The following SIK2 variants were observed in gnomAD, a reference collection of about 807,000 sequenced individuals.
SIK2 encodes serine/threonine-protein kinase SIK2.
SIK2 carries 29 observed loss-of-function variants against 103.2 expected under a neutral mutation model. The ratio of observed to expected loss-of-function variants is 0.28; its 90% CI spans 0.21 to 0.38. The LOEUF is 0.38. SIK2 is among the 10% of genes least tolerant of loss of function. The probability of loss-of-function intolerance (pLI) is 1.00; values close to 1 mark genes in which losing one functional copy is unlikely to be tolerated. For synonymous variants in SIK2, 412 were observed against 446.1 expected, an observed-to-expected ratio of 0.92 and a Z score of 0.96; for missense variants, 879 against 1,171.0, an observed-to-expected ratio of 0.75 and a Z score of 3.64.
intron 3 of SIK2, among the ~76,000 whole-genome samples, chr11:111,685,088 C>G (rs1942827688): frequency 6.6e-6 from 1 of 152,232 alleles, no homozygotes; most frequent in South Asian, 2.1e-4. Context: ...TACTTCAAAA[C>G]ACTATGTGTT....
chr11:111,625,839 C>A (rs185935470), intron 3 of SIK2, among the ~76,000 whole-genome samples: 2 of 152,210 alleles, frequency 1.3e-5, no homozygotes, highest in Admixed American at 1.3e-4. Flanking sequence ...GGCAATGAGT[C>A]AAGAGAAGGA....
chr11:111,683,626 A>G (rs1363171045), intron 3 of SIK2, among the ~76,000 whole-genome samples: 2 of 151,696 alleles, frequency 1.3e-5, no homozygotes, highest in East Asian at 1.9e-4. Context: ...TAATTTTTGT[A>G]TAGTTAGTTG....
intron 1 of SIK2, among the ~76,000 whole-genome samples, chr11:111,609,723 A>G (rs759418583): frequency 9.9e-5 from 15 of 152,234 alleles, no homozygotes; most frequent in Non-Finnish European, 2.2e-4. Flanking sequence ...GAGGGTAACT[A>G]GAGAATTCTC....
rs767574506 is a variant in SIK2 at position 111,703,354 on chromosome 11, C to T, written c.879C>T (p.Ile293=). Residue 293 remains isoleucine, a synonymous_variant, in exon 7 of 15, where the codon ATC becomes ATT. Coordinates refer to ENST00000304987, the MANE Select transcript of SIK2 (RefSeq NM_015191.3). ...YPQEQENEPS[I]GEFNEQVLRL... ...AAGAGCAAGAAAATGAGCCATCCAT[C>T]GGGGAGTTTAATGAGCAGGTTCTGC... is the stretch of plus-strand genomic sequence containing the variant. 36 of 1,613,974 alleles carry T rather than the reference C, an allele frequency of 2.2e-5. No individual in the cohort carries two copies. The South Asian group carries it at 2.6e-4, about 12-fold the overall frequency.
intron 3 of SIK2, among the ~76,000 whole-genome samples, chr11:111,642,282 T>A (rs1942193386): frequency 6.6e-6 from 1 of 152,132 alleles, no homozygotes; most frequent in South Asian, 2.1e-4. Flanking sequence ...TGCCCTCACA[T>A]CAGAGGCCAG....
intron 4 of SIK2, among the ~76,000 whole-genome samples, chr11:111,698,795 G>A (rs1370663717): frequency 6.6e-6 from 1 of 152,218 alleles, no homozygotes; most frequent in Non-Finnish European, 1.5e-5. Flanking sequence ...AACTCATCCT[G>A]TGATTATGGT....
Position 111,720,517 on chromosome 11 carries a change from G to A in SIK2, c.1535G>A (p.Ser512Asn). The A allele has an allele frequency of 6.2e-7, 1 of 1,612,732 alleles. No individual in the cohort carries two copies. The change falls in exon 11 of 15, where the codon AGT (serine) becomes AAT (asparagine). Residue 512 changes from serine to asparagine, a missense_variant. Transcript: ENST00000304987. Reference sequence around the variant, plus strand: ...ATGAATGACAGCCCCTCCCTTGACAGTGTGGACTCTGAGTATGATATGGGG... The same window carrying A: ...ATGAATGACAGCCCCTCCCTTGACAATGTGGACTCTGAGTATGATATGGGG... ...FSMNDSPSLD[S>N]VDSEYDMGSV...
intron 9 of SIK2, 39 bp from the exon 10 acceptor site, chr11:111,719,736 A>G (rs2135968570): frequency 1.9e-6 from 3 of 1,577,772 alleles, no homozygotes; most frequent in East Asian, 4.5e-5. Context: ...CTGTCTCAGC[A>G]GTGCAGAAAC....
chr11:111,701,333 A>G lies in SIK2; in HGVS notation c.604-119A>G. Reference sequence around the variant, plus strand: ...ATTTTTTTCAAATTCTGAGAAAATAATAAATCCAGACAGGAATTTTTCAGT... The same window carrying G: ...ATTTTTTTCAAATTCTGAGAAAATAGTAAATCCAGACAGGAATTTTTCAGT... On this transcript the variant is annotated intron_variant, in intron 5 of 14. Coordinates refer to ENST00000304987, the MANE Select transcript of SIK2 (RefSeq NM_015191.3). The surrounding 1 kb of genome is among the most constrained non-coding windows in gnomAD (Gnocchi z 4.2). 3.0e-6 allele frequency: 4 copies of G among 1,334,784 alleles called. No homozygotes were observed. The highest frequency in any genetic ancestry group is 4.0e-6 in the Non-Finnish European group (4 of 993,976). 82.7% of individuals were successfully genotyped at this position (1,334,784 alleles called of 1,614,324 possible).
chr11:111,622,247 C>CTTTTTTTTTTTTTTTTTTT (rs71057079), intron 3 of SIK2, among the ~76,000 whole-genome samples: 1 of 61,454 alleles, frequency 1.6e-5, no homozygotes, highest in Admixed American at 2.6e-4. Context: ...ATTTTCTTTT[C>CTTTTTTTTTTTTTTTTTTT]TTTTTTTTTT....
chr11:111,700,902 T>A lies in SIK2; in HGVS notation c.495T>A (p.Asn165Lys). ...TCCTAATAGATTTCGGTTTTGGAAA[T>A]TTCTTTAAAAGTGGTGAACTGCTGG... The part of the protein sequence containing the change: ...NIKIADFGFG[N>K]FFKSGELLAT... The change falls in exon 5 of 15, where the codon AAT becomes AAA. Residue 165 changes from asparagine (N) to lysine (K), a missense_variant. Coordinates refer to ENST00000304987, the MANE Select transcript of SIK2 (RefSeq NM_015191.3). The A allele has an allele frequency of 6.2e-7, 1 of 1,613,980 alleles. No homozygotes were observed.
chr11:111,669,454 G>A (rs1942593367), intron 3 of SIK2, among the ~76,000 whole-genome samples: 1 of 151,884 alleles, frequency 6.6e-6, no homozygotes, highest in Non-Finnish European at 1.5e-5. Context: ...CCCAAAATCA[G>A]GCATGGTGGT....
chr11:111,637,934 A>C (rs1185484285), intron 3 of SIK2, among the ~76,000 whole-genome samples: 1 of 151,440 alleles, frequency 6.6e-6, no homozygotes, highest in Non-Finnish European at 1.5e-5. Context: ...TACGTGTTAG[A>C]GTTTATTTAG....
chr11:111,720,506 C>T lies in SIK2; in HGVS notation c.1524C>T (p.Pro508=), dbSNP rs765910823. ...AAATTTTCTCCATGAATGACAGCCC[C>T]TCCCTTGACAGTGTGGACTCTGAGT... is the stretch of plus-strand genomic sequence containing the variant. ...AGKIFSMNDS[P]SLDSVDSEYD... is the part of the protein sequence containing the mutation. Residue 508 remains proline (P), a synonymous_variant, in exon 11 of 15, where the codon CCC becomes CCT. Coordinates refer to ENST00000304987, the MANE Select transcript of SIK2 (RefSeq NM_015191.3). 6.2e-7 allele frequency: 1 copy of T among 1,608,458 alleles called. No homozygotes were observed. The highest frequency in any genetic ancestry group is 1.1e-5 in the South Asian group (1 of 89,808).
intron 3 of SIK2, among the ~76,000 whole-genome samples, chr11:111,687,271 C>T (rs1044575824): frequency 1.3e-5 from 2 of 151,944 alleles, no homozygotes; most frequent in Non-Finnish European, 2.9e-5. Context: ...AATCCCAGTA[C>T]TTTGGGAGGC....
At position 111,722,503 on chromosome 11, in the gene SIK2, C is replaced by T. The variant is rs1327546049; in HGVS notation, c.2056-162C>T. 1.3e-5 allele frequency among the ~76,000 whole-genome samples: 2 copies of T among 152,214 alleles called. No homozygotes were observed. The highest frequency in any genetic ancestry group is 4.8e-5 in the African/African-American group (2 of 41,448). ...CAGAGATGGCCCAGGCCTGCGGGCC[C>T]GATGCTCTTTCAGGGTCTCAGGGAG... On this transcript the variant is annotated intron_variant, in intron 13 of 14. Transcript: ENST00000304987. The surrounding 1 kb of genome is among the most constrained non-coding windows in gnomAD (Gnocchi z 4.4).
chr11:111,688,297 T>A lies in SIK2; in HGVS notation c.478+135T>A, dbSNP rs1942873822. On this transcript the variant is annotated intron_variant, in intron 4 of 14. Transcript: ENST00000304987. This position sits in a 1 kb window ranked among gnomAD's most constrained non-coding sequence, Gnocchi z 4.2. ...CAGGCTATCTCAAAGTCCATTTTAT[T>A]CATTTCCTTAGTTCTGTGTGTAATT... The A allele has an allele frequency of 1.2e-6, 1 of 833,652 alleles. No individual in the cohort carries two copies. The highest frequency in any genetic ancestry group is 1.7e-5 in the African/African-American group (1 of 58,634). The allele number at this position is 833,652 out of a possible 1,614,324, so 51.6% of individuals were successfully genotyped here.
chr11:111,669,982 T>C (rs1317992267), intron 3 of SIK2, among the ~76,000 whole-genome samples: 6 of 152,248 alleles, frequency 3.9e-5, no homozygotes, highest in Admixed American at 3.9e-4. Context: ...ATTGTAAAGA[T>C]CACATTTGTG....
At chr11:111,609,814 A>G (rs1223114263) in intron 1 of SIK2, among the ~76,000 whole-genome samples, 2 of 152,234 alleles carry the variant, frequency 1.3e-5, no homozygotes, top group South Asian at 2.1e-4. Flanking sequence ...CAATCAAATG[A>G]TAGGCTAGTA....
Sources: allele counts gnomAD v4.1 joint callset (sites outside exome capture counted in the v4.1 genomes callset), GRCh38; gene constraint gnomAD v4.1.1; non-coding constraint Gnocchi (gnomAD v3.1); transcripts MANE v1.5; gene names NCBI Gene and HGNC (gene_info 2026-07-23, HGNC 2026-07-21).